XXYLT1: variants seen among roughly 807,000 people sequenced by gnomAD.
XXYLT1 encodes xyloside xylosyltransferase 1.
A neutral mutation model predicts 28.9 loss-of-function variants in XXYLT1; 20 were observed. The ratio of observed to expected loss-of-function variants is 0.69; its 90% confidence interval spans 0.49 to 1.00. XXYLT1 has a LOEUF of 1.00. XXYLT1 is among the 50% of genes least tolerant of loss of function. The pLI is 0.00. For missense variants in XXYLT1, 542 were observed against 560.1 expected (o/e 0.97, Z 0.33); for synonymous variants, 257 against 253.8 (o/e 1.01, Z -0.12).
At chr3:195,219,101 TG>T (rs1328876314) in intron 2 of XXYLT1, among the ~76,000 whole-genome samples, 2 of 148,180 alleles carry the variant, frequency 1.3e-5, no homozygotes, top group Non-Finnish European at 3.0e-5. Context: ...CACTCATAGG[TG>T]GGAACTGAAC....
chr3:195,206,997 A>G (rs1048862686), intron 2 of XXYLT1, among the ~76,000 whole-genome samples: 8 of 140,642 alleles, frequency 5.7e-5, no homozygotes, highest in East Asian at 1.9e-4. Flanking sequence ...GTGGAGGGGG[A>G]AAAAAAAAGG....
chr3:195,235,439 T>C (rs1012166100), intron 1 of XXYLT1, among the ~76,000 whole-genome samples: 2 of 152,260 alleles, frequency 1.3e-5, no homozygotes, highest in African/African-American at 4.8e-5. Context: ...TGAATTTCTT[T>C]GAGTTTCCTC....
chr3:195,134,886 C>T (rs962361982), intron 3 of XXYLT1, among the ~76,000 whole-genome samples: 4 of 149,194 alleles, frequency 2.7e-5, no homozygotes, highest in African/African-American at 7.5e-5. Flanking sequence ...CGCGCGTGCG[C>T]GCACGTGCAA....
intron 2 of XXYLT1, among the ~76,000 whole-genome samples, chr3:195,193,014 G>T (rs954373350): frequency 6.6e-6 from 1 of 152,102 alleles, no homozygotes; most frequent in South Asian, 2.1e-4. Context: ...GGCCAGGCAC[G>T]ATGGCTCACA....
intron 2 of XXYLT1, among the ~76,000 whole-genome samples, chr3:195,179,247 G>A (rs986008566): frequency 6.6e-6 from 1 of 151,960 alleles, no homozygotes; most frequent in African/African-American, 2.4e-5. Flanking sequence ...GGCTGAGGCA[G>A]GAGAATTGCT....
rs1718021245 is a variant in XXYLT1, at chr3:195,115,934, C to A, written c.785+40515G>T. On this transcript the variant is annotated intron_variant, in intron 3 of 3. Coordinates refer to ENST00000310380, the MANE Select transcript of XXYLT1 (RefSeq NM_152531.5). This position sits in a 1 kb window ranked among gnomAD's most constrained non-coding sequence, Gnocchi z 4.2. The stretch of plus-strand genomic sequence containing the variant: ...ACAGGGACAGTGATAAGGAGCTGGG[C>A]CGCTCAGGAGATGGCAGGAAACTCA... Among the ~76,000 whole-genome samples, 1 of 152,140 alleles carries A rather than the reference C, an allele frequency of 6.6e-6. No individual in the cohort carries two copies. The highest frequency in any genetic ancestry group is 2.1e-4 in the South Asian group (1 of 4,822).
At position 195,145,049 on chromosome 3, in the gene XXYLT1, G is replaced by A. The variant is rs887200900; in HGVS notation, c.785+11400C>T. On this transcript the variant is annotated intron_variant, in intron 3 of 3. Coordinates refer to ENST00000310380, the MANE Select transcript of XXYLT1 (RefSeq NM_152531.5). Reference sequence around the variant, plus strand: ...ATGAGCTGCAATTATACATCATCAGGAACATGAAAGTCCTGTTCACTGCTA... The same window carrying A: ...ATGAGCTGCAATTATACATCATCAGAAACATGAAAGTCCTGTTCACTGCTA... Among the ~76,000 whole-genome samples, 4 of 152,148 alleles carry A rather than the reference G, an allele frequency of 2.6e-5. No individual in the cohort carries two copies. The South Asian group carries it at 8.3e-4, about 32-fold the overall frequency.
intron 1 of XXYLT1, among the ~76,000 whole-genome samples, chr3:195,244,330 T>C (rs1196372911): frequency 6.6e-6 from 1 of 152,214 alleles, no homozygotes; most frequent in Non-Finnish European, 1.5e-5. Context: ...GGAGGGCAGC[T>C]CTGGGTCCTG....
chr3:195,145,157 T>C (rs1301655809), intron 3 of XXYLT1, among the ~76,000 whole-genome samples: 1 of 152,246 alleles, frequency 6.6e-6, no homozygotes, highest in East Asian at 1.9e-4. Context: ...AGGATGGTCC[T>C]AGCAGCAAAG....
intron 3 of XXYLT1, among the ~76,000 whole-genome samples, chr3:195,103,633 G>A (rs1226685064): frequency 6.6e-6 from 1 of 152,200 alleles, no homozygotes; most frequent in Non-Finnish European, 1.5e-5. Flanking sequence ...CCTTTACCTA[G>A]ACTCAGATAA....
Position 195,069,872 on chromosome 3 carries a change from G to A in XXYLT1, c.1025C>T (p.Pro342Leu), listed in dbSNP as rs199593762. The A allele has an allele frequency of 5.6e-6, 9 of 1,614,004 alleles. No individual in the cohort carries two copies. The South Asian group carries it at 9.9e-5, about 18-fold the overall frequency. ...DFFTMIGMEH[P>L]KLFHVLDCTW... ...ACAGTCCAGCACATGGAAGAGCTTG[G>A]GGTGCTCCATGCCGATCATGGTGAA... The change falls in exon 4 of 4, where the codon CCC (proline) becomes CTC (leucine). Residue 342 changes from proline (P) to leucine (L), a missense_variant. By Grantham distance (98) the Pro-to-Leu change is moderately conservative (BLOSUM62 -3). Coordinates refer to ENST00000310380, the MANE Select transcript of XXYLT1 (RefSeq NM_152531.5).
chr3:195,179,099 T>C (rs1030423784), intron 2 of XXYLT1, among the ~76,000 whole-genome samples: 7 of 151,926 alleles, frequency 4.6e-5, no homozygotes, highest in African/African-American at 1.2e-4. Context: ...CCCAGCACTT[T>C]GGGAGGCCGA....
intron 3 of XXYLT1, chr3:195,087,359 C>T (rs1715790169): frequency 6.6e-6 from 1 of 152,296 alleles, no homozygotes; most frequent in Non-Finnish European, 1.5e-5. Flanking sequence ...TCCAGGCCTT[C>T]CAGATAAATC....
chr3:195,070,218 C>T lies in XXYLT1; in HGVS notation c.786-107G>A, dbSNP rs528797779. ...CCTGCATGCAAACACTGCCACATTC[C>T]GGGGTGCAGAATCCGCATCACTACA... On this transcript the variant is annotated intron_variant, in intron 3 of 3. Coordinates refer to ENST00000310380, the MANE Select transcript of XXYLT1 (RefSeq NM_152531.5). 4.6e-5 allele frequency: 65 copies of T among 1,402,180 alleles called. 1 individual carries two copies. In the African/African-American group the frequency reaches 5.9e-4, roughly 13 times the overall value. The allele number at this position is 1,402,180 out of a possible 1,614,324, so 86.9% of individuals were successfully genotyped here.
chr3:195,239,149 A>G (rs559145812), intron 1 of XXYLT1, among the ~76,000 whole-genome samples: 3 of 152,364 alleles, frequency 2.0e-5, no homozygotes, highest in South Asian at 4.1e-4. Context: ...ATAAATGAGT[A>G]TGCTTCATGG....
At position 195,087,729 on chromosome 3, in the gene XXYLT1, C is replaced by T. The variant is rs572753751; in HGVS notation, c.786-17618G>A. Among the ~76,000 whole-genome samples, 201 of 152,332 alleles carry T rather than the reference C, an allele frequency of 1.3e-3. 3 individuals carry two copies. The highest frequency in any genetic ancestry group is 3.4e-3 in the Middle Eastern group (1 of 294). On this transcript the variant is annotated intron_variant, in intron 3 of 3. Coordinates refer to ENST00000310380, the MANE Select transcript of XXYLT1 (RefSeq NM_152531.5). ...TCTGGTGTACAGCTCCCAGCGTGAG[C>T]GACGCAGAAGACGGTGATTTCTGCA...
At chr3:195,146,509 C>G (rs1372790362) in intron 3 of XXYLT1, among the ~76,000 whole-genome samples, 1 of 152,224 alleles carries the variant, frequency 6.6e-6, no homozygotes, top group East Asian at 1.9e-4. Context: ...TGGTTTCTCT[C>G]TACTGCATAG....
intron 1 of XXYLT1, among the ~76,000 whole-genome samples, chr3:195,234,302 T>C (rs1297246285): frequency 2.0e-5 from 3 of 147,448 alleles, no homozygotes; most frequent in East Asian, 2.0e-4. Flanking sequence ...TCCTTCATGT[T>C]TGAAGGATTT....
At chr3:195,208,334 A>C (rs1311116071) in intron 2 of XXYLT1, among the ~76,000 whole-genome samples, 1 of 151,590 alleles carries the variant, frequency 6.6e-6, no homozygotes, top group Non-Finnish European at 1.5e-5. Context: ...AGCACAGCAC[A>C]GCATCCAGTC....
Sources: allele counts gnomAD v4.1 joint callset (sites outside exome capture counted in the v4.1 genomes callset), GRCh38; gene constraint gnomAD v4.1.1; non-coding constraint Gnocchi (gnomAD v3.1); transcripts MANE v1.5; gene names NCBI Gene and HGNC (gene_info 2026-07-23, HGNC 2026-07-21).